The following UGT1A8 variants were observed in gnomAD, a reference collection of about 807,000 sequenced individuals.
The protein encoded by UGT1A8 is UDP-glucuronosyltransferase 1A8.
Under a neutral mutation model 45.3 loss-of-function variants are expected in UGT1A8, and 39 were observed. The ratio of observed to expected loss-of-function variants is 0.86; its 90% CI spans 0.67 to 1.12. UGT1A8 has a LOEUF of 1.12. Among genes scored for constraint, UGT1A8 ranks in the 50% most tolerant of loss-of-function variants. The probability of loss-of-function intolerance (pLI) is 0.00; values close to 1 mark genes in which losing one functional copy is unlikely to be tolerated. For missense variants in UGT1A8, 719 were observed against 664.9 expected (o/e 1.08, Z -0.90); for synonymous variants, 275 against 249.2 (o/e 1.10, Z -0.97).
chr2:233,729,260 G>T (rs774974731), intron 1 of UGT1A8: 2 of 1,614,092 alleles, frequency 1.2e-6, no homozygotes, highest in East Asian at 2.2e-5. Flanking sequence ...CTCAGCATGC[G>T]GGAGGTCTTG....
At chr2:233,713,559 C>A (rs2076330071) in intron 1 of UGT1A8, 1 of 1,613,946 alleles carries the variant, frequency 6.2e-7, no homozygotes, top group Non-Finnish European at 8.5e-7. Context: ...GTGTCCAAAC[C>A]CTTCCTCCTA....
chr2:233,672,396 C>T (rs367716901), intron 1 of UGT1A8: 17 of 1,613,928 alleles, frequency 1.1e-5, no homozygotes, highest in Non-Finnish European at 1.4e-5. Flanking sequence ...ATAACTGTGG[C>T]TTAATTGTTG....
At chr2:233,718,360 T>C (rs2076649371) in intron 1 of UGT1A8, among the ~76,000 whole-genome samples, 1 of 152,232 alleles carries the variant, frequency 6.6e-6, no homozygotes, top group Non-Finnish European at 1.5e-5. Context: ...TGCTGTGTTA[T>C]TCACATATGA....
chr2:233,692,242 TA>T (rs2075086970), intron 1 of UGT1A8: 1 of 152,356 alleles, frequency 6.6e-6, no homozygotes, highest in Non-Finnish European at 1.5e-5. Context: ...TCCATGGCCA[TA>T]CCCCCATATC....
chr2:233,619,929 T>C (rs1474453437), intron 1 of UGT1A8, among the ~76,000 whole-genome samples: 1 of 152,194 alleles, frequency 6.6e-6, no homozygotes, highest in Non-Finnish European at 1.5e-5. Context: ...AATAGGGATT[T>C]GGTAGCTTGT....
intron 1 of UGT1A8, among the ~76,000 whole-genome samples, chr2:233,722,626 G>A (rs1272001840): frequency 6.6e-6 from 1 of 152,128 alleles, no homozygotes; most frequent in African/African-American, 2.4e-5. Context: ...TCTTAATGAA[G>A]CATTGAGGGC....
intron 1 of UGT1A8, among the ~76,000 whole-genome samples, chr2:233,695,609 A>G (rs1437584077): frequency 6.6e-6 from 1 of 151,892 alleles, no homozygotes; most frequent in Admixed American, 6.6e-5. Flanking sequence ...GTAATTACCA[A>G]TGAACTCTCT....
chr2:233,630,269 G>A (rs750460338), intron 1 of UGT1A8, among the ~76,000 whole-genome samples: 3 of 152,084 alleles, frequency 2.0e-5, no homozygotes, highest in African/African-American at 7.2e-5. Flanking sequence ...AGGTGACTAA[G>A]CAAATGTCTA....
At chr2:233,729,373 T>C (rs1160959644) in intron 1 of UGT1A8, 16 of 1,613,988 alleles carry the variant, frequency 9.9e-6, no homozygotes, top group Non-Finnish European at 1.3e-5. Context: ...CTATGCCATT[T>C]CGTGGACCCA....
chr2:233,724,362 A>G (rs1231465010), intron 1 of UGT1A8, among the ~76,000 whole-genome samples: 2 of 144,194 alleles, frequency 1.4e-5, no homozygotes, highest in Non-Finnish European at 1.5e-5. Flanking sequence ...TCCCTCCCGG[A>G]CGGGGTGGCT....
At chr2:233,740,403 G>A (rs1262585608) in intron 1 of UGT1A8, among the ~76,000 whole-genome samples, 1 of 151,904 alleles carries the variant, frequency 6.6e-6, no homozygotes, top group Non-Finnish European at 1.5e-5. Context: ...TCCCAAAATG[G>A]GGAAGTCTCT....
At chr2:233,621,728 G>A (rs1416673832) in intron 1 of UGT1A8, among the ~76,000 whole-genome samples, 1 of 151,958 alleles carries the variant, frequency 6.6e-6, no homozygotes, top group African/African-American at 2.4e-5. Flanking sequence ...AGAAATTTGT[G>A]TCAATCTTTT....
rs752968297 is a variant in UGT1A8 at position 233,768,220 on chromosome 2, G to T, written c.1076G>T (p.Gly359Val). 65 of 1,614,160 alleles carry T rather than the reference G, an allele frequency of 4.0e-5. No homozygotes were observed. In the Admixed American group the frequency reaches 1.0e-3, roughly 25 times the overall value. Residue 359 changes from glycine to valine, a missense_variant and splice_region_variant, in exon 4 of 5, where the codon GGT (glycine) becomes GTT (valine). Gly to Val is a moderately radical substitution (Grantham distance 109, BLOSUM62 -3). Transcript: ENST00000373450. Reference sequence around the variant, plus strand: ...ACATCCTCCCTATTTTGCATCTCAGGTCACCCGATGACCCGTGCCTTTATC... The same window carrying T: ...ACATCCTCCCTATTTTGCATCTCAGTTCACCCGATGACCCGTGCCTTTATC... ...VKWLPQNDLL[G>V]HPMTRAFITH...
At chr2:233,702,884 A>G (rs2075712374) in intron 1 of UGT1A8, among the ~76,000 whole-genome samples, 1 of 152,194 alleles carries the variant, frequency 6.6e-6, no homozygotes, top group South Asian at 2.1e-4. Flanking sequence ...GGACTTTTGC[A>G]TCATATCCAT....
At chr2:233,662,890 A>G (rs2074003817) in intron 1 of UGT1A8, among the ~76,000 whole-genome samples, 1 of 150,998 alleles carries the variant, frequency 6.6e-6, no homozygotes, top group Non-Finnish European at 1.5e-5. Flanking sequence ...TAAGATTGCT[A>G]CATGGTTATA....
chr2:233,721,874 C>T, intron 1 of UGT1A8: 1 of 497,188 alleles, frequency 2.0e-6, no homozygotes. Flanking sequence ...GGCACACTTG[C>T]CAGCCCCTCC....
chr2:233,622,149 G>A (rs185727354), intron 1 of UGT1A8, among the ~76,000 whole-genome samples: 1 of 152,294 alleles, frequency 6.6e-6, no homozygotes, highest in Non-Finnish European at 1.5e-5. Context: ...ATTTCGGTTG[G>A]TTCCAAGTCT....
At chr2:233,729,062 G>C in intron 1 of UGT1A8, 3 of 1,610,966 alleles carry the variant, frequency 1.9e-6, no homozygotes, top group South Asian at 2.2e-5. Context: ...TAATTAAGAT[G>C]AAGAAAGCAA....
At chr2:233,697,038 T>C (rs772110742) in intron 1 of UGT1A8, among the ~76,000 whole-genome samples, 44 of 151,092 alleles carry the variant, frequency 2.9e-4, no homozygotes, top group Non-Finnish European at 6.2e-4. Context: ...CGCAGTTTTC[T>C]TTTTTTTTGT....
Sources: allele counts gnomAD v4.1 joint callset (sites outside exome capture counted in the v4.1 genomes callset), GRCh38; gene constraint gnomAD v4.1.1; transcripts MANE v1.5; gene names NCBI Gene and HGNC (gene_info 2026-07-23, HGNC 2026-07-21).